The following CLUAP1 variants were observed in gnomAD, a reference collection of about 807,000 sequenced individuals.
The protein encoded by CLUAP1 is clusterin-associated protein 1.
In CLUAP1, 50 loss-of-function variants were observed where a neutral mutation model predicts 55.0. The observed-to-expected ratio is 0.91, with a 90% CI of 0.72 to 1.15. The LOEUF (loss-of-function observed/expected upper bound fraction) is 1.15, where lower values mean the gene tolerates loss of function less well. Among genes scored for constraint, CLUAP1 ranks in the 50% most tolerant of loss-of-function variants. CLUAP1 has a pLI of 0.00. For missense variants in CLUAP1, 530 were observed against 507.6 expected (o/e 1.04, Z -0.42); for synonymous variants, 195 against 175.4 (o/e 1.11, Z -0.88).
At chr16:3,529,412 C>CATATATATTATTATATATA (rs2038012088) in intron 9 of CLUAP1, among the ~76,000 whole-genome samples, 3 of 78,900 alleles carry the variant, frequency 3.8e-5, no homozygotes, top group African/African-American at 1.5e-4. Context: ...ATATATATGT[C>CATATATATTATTATATATA]ATATATATTA....
At chr16:3,527,219 A>G (rs1237959584) in intron 9 of CLUAP1, among the ~76,000 whole-genome samples, 1 of 152,166 alleles carries the variant, frequency 6.6e-6, no homozygotes, top group South Asian at 2.1e-4. Context: ...GATCATAGAT[A>G]TGATTATATA....
chr16:3,506,654 C>T (rs1213350891), intron 3 of CLUAP1, among the ~76,000 whole-genome samples: 2 of 152,048 alleles, frequency 1.3e-5, no homozygotes, highest in East Asian at 1.9e-4. Context: ...AGGCACACGC[C>T]ACCACACCTG....
intron 2 of CLUAP1, among the ~76,000 whole-genome samples, chr16:3,505,366 TA>T (rs1341937702): frequency 6.6e-6 from 1 of 151,112 alleles, no homozygotes; most frequent in Non-Finnish European, 1.5e-5. Flanking sequence ...CCATCTCTAT[TA>T]AAAACACAAA....
At chr16:3,534,320 G>C (rs547283379) in intron 11 of CLUAP1, 1 of 152,868 alleles carries the variant, frequency 6.5e-6, no homozygotes, top group South Asian at 2.1e-4. Context: ...CCTGAGTGGA[G>C]GGAGCGAGCG....
intron 6 of CLUAP1, among the ~76,000 whole-genome samples, chr16:3,518,725 A>T (rs1314658748): frequency 6.6e-6 from 1 of 152,196 alleles, no homozygotes; most frequent in Admixed American, 6.5e-5. Flanking sequence ...GATTATTTTC[A>T]TGAAAGTATC....
At chr16:3,524,458 A>G (rs577757037) in intron 8 of CLUAP1, among the ~76,000 whole-genome samples, 30 of 151,796 alleles carry the variant, frequency 2.0e-4, no homozygotes, top group Non-Finnish European at 3.5e-4. Context: ...TTTATCTGGT[A>G]TGGTGGCGGG....
rs2038044114 is a variant in CLUAP1, at chr16:3,529,633, T to TATTATATATTATATAA, written c.929-935_929-934insATTATATATTATATAA. Among the ~76,000 whole-genome samples, 19 of 12,352 alleles carry TATTATATATTATATAA rather than the reference T, an allele frequency of 1.5e-3. 5 individuals are homozygous for TATTATATATTATATAA. Among genetic ancestry groups the TATTATATATTATATAA allele is most frequent in the South Asian group, 5.1e-3 (1 of 196 alleles). 8.1% of individuals were successfully genotyped at this position (12,352 alleles called of 152,430 possible). Reference sequence around the variant, plus strand: ...ATTATATAATATTATATATTATATATTATTATATATTATATATTATTATAT... The same window carrying TATTATATATTATATAA: ...ATTATATAATATTATATATTATATATATTATATATTATATAATATTATATATTATATATTATTATAT... On this transcript the variant is annotated intron_variant, in intron 9 of 11. Coordinates refer to ENST00000576634, the MANE Select transcript of CLUAP1 (RefSeq NM_015041.3).
At chr16:3,515,118 G>A (rs527776102) in intron 5 of CLUAP1, among the ~76,000 whole-genome samples, 1 of 152,050 alleles carries the variant, frequency 6.6e-6, no homozygotes, top group Non-Finnish European at 1.5e-5. Context: ...TGTGATCCTA[G>A]CACTGTGGGA....
intron 1 of CLUAP1, among the ~76,000 whole-genome samples, chr16:3,504,169 A>G (rs1001339091): frequency 6.6e-6 from 1 of 152,152 alleles, no homozygotes; most frequent in African/African-American, 2.4e-5. Flanking sequence ...CAACCACTCT[A>G]TTTAAGATTT....
chr16:3,521,727 C>A (rs73503356), intron 7 of CLUAP1, among the ~76,000 whole-genome samples: 307 of 151,732 alleles, frequency 2.0e-3, no homozygotes, highest in African/African-American at 7.0e-3. Context: ...GTCATCATCA[C>A]GCCTGGCCTT....
intron 4 of CLUAP1, among the ~76,000 whole-genome samples, chr16:3,511,990 C>A (rs2037635634): frequency 6.6e-6 from 1 of 151,912 alleles, no homozygotes; most frequent in African/African-American, 2.4e-5. Flanking sequence ...AATTCAAGAG[C>A]AGCCTGACCA....
intron 6 of CLUAP1, among the ~76,000 whole-genome samples, chr16:3,517,026 GA>G (rs1385331679): frequency 3.9e-5 from 6 of 152,128 alleles, no homozygotes; most frequent in Non-Finnish European, 8.8e-5. Context: ...AGGAAACCAT[GA>G]GTTTTCACTG....
intron 4 of CLUAP1, among the ~76,000 whole-genome samples, chr16:3,508,722 G>C (rs1049673716): frequency 4.0e-5 from 6 of 150,140 alleles, no homozygotes; most frequent in Non-Finnish European, 7.4e-5. Flanking sequence ...GACAAAAATC[G>C]TGTGTTTATT....
At chr16:3,518,098 A>G (rs1168548270) in intron 6 of CLUAP1, among the ~76,000 whole-genome samples, 1 of 152,190 alleles carries the variant, frequency 6.6e-6, no homozygotes, top group Non-Finnish European at 1.5e-5. Flanking sequence ...AATACACGCT[A>G]AAGTATTCAG....
intron 8 of CLUAP1, 120 bp downstream of exon 8, chr16:3,523,419 G>C: frequency 6.7e-6 from 8 of 1,196,544 alleles, no homozygotes; most frequent in Non-Finnish European, 8.1e-6. Flanking sequence ...TTTCTCCCTG[G>C]TCAGTCTGAG....
In CLUAP1 at chr16:3,510,852, G is replaced by A. The variant is rs1011103802; in HGVS notation, c.400-1531G>A. Among the ~76,000 whole-genome samples the A allele has an allele frequency of 3.9e-5, 6 of 152,206 alleles. No homozygotes were observed. The South Asian group carries it at 6.2e-4, about 16-fold the overall frequency. ...GTTCTGCACATGCTCCATTTGCCAC[G>A]CCGATTGGCTGTCCAGGTGGAGATG... On this transcript the variant is annotated intron_variant, in intron 4 of 11. Coordinates refer to ENST00000576634, the MANE Select transcript of CLUAP1 (RefSeq NM_015041.3).
intron 1 of CLUAP1, among the ~76,000 whole-genome samples, chr16:3,501,876 G>A (rs1170777228): frequency 6.6e-6 from 1 of 152,014 alleles, no homozygotes; most frequent in East Asian, 1.9e-4. Flanking sequence ...TTAACGATCT[G>A]CCAGGGCCCG....
rs770717340 is a variant in CLUAP1 at position 3,522,224 on chromosome 16, C to T, written c.714-934C>T. Among the ~76,000 whole-genome samples the T allele has an allele frequency of 9.9e-5, 15 of 152,138 alleles. 1 individual carries two copies. The South Asian group carries it at 1.0e-3, about 11-fold the overall frequency. ...TGTTGCCTAGGCTGGAGTGCAGTGG[C>T]GCAATCTCGGCTCACTGCAACCTCC... On this transcript the variant is annotated intron_variant, in intron 7 of 11. Coordinates refer to ENST00000576634, the MANE Select transcript of CLUAP1 (RefSeq NM_015041.3).
chr16:3,531,145 AG>A (rs2038108329), intron 10 of CLUAP1, among the ~76,000 whole-genome samples: 1 of 152,190 alleles, frequency 6.6e-6, no homozygotes, highest in African/African-American at 2.4e-5. Context: ...ATTTGAGCCT[AG>A]GAGCTCGGAG....
Sources: gnomAD v4.1 joint callset for allele counts (sites outside exome capture counted in the v4.1 genomes callset) on GRCh38, gnomAD v4.1.1 for gene constraint, MANE v1.5 for transcripts, NCBI Gene and HGNC (gene_info 2026-07-23, HGNC 2026-07-21) for gene names.